Variants in LRRC1 observed in about 807,000 individuals in gnomAD.
LRRC1 encodes the protein leucine rich repeat containing 1.
Under a neutral mutation model 69.9 loss-of-function variants are expected in LRRC1, and 28 were observed. The observed-to-expected ratio is 0.40, with a 90% CI of 0.30 to 0.55. LRRC1 has a LOEUF of 0.55. Ranked by LOEUF, LRRC1 falls within the 20% of genes least tolerant of loss-of-function variation. The pLI is 0.47. For missense variants in LRRC1, 498 were observed against 609.0 expected (o/e 0.82, Z 1.92); for synonymous variants, 236 against 240.2 (o/e 0.98, Z 0.16).
intron 2 of LRRC1, among the ~76,000 whole-genome samples, chr6:53,850,495 T>G (rs142517931): frequency 1.3e-3 from 194 of 152,328 alleles, no homozygotes; most frequent in African/African-American, 4.5e-3. Flanking sequence ...CTGTGAACTA[T>G]TCACTGAAAA....
At chr6:53,817,614 G>T (rs1581850427) in intron 1 of LRRC1, among the ~76,000 whole-genome samples, 1 of 152,244 alleles carries the variant, frequency 6.6e-6, no homozygotes, top group South Asian at 2.1e-4. Flanking sequence ...TAAGAATGGA[G>T]ATTATCGTTT....
At chr6:53,822,510 A>T (rs1465645449) in intron 1 of LRRC1, among the ~76,000 whole-genome samples, 1 of 152,206 alleles carries the variant, frequency 6.6e-6, no homozygotes, top group African/African-American at 2.4e-5. Flanking sequence ...GACTTGGAGC[A>T]GTGAAAGCAT....
At chr6:53,826,123 C>T (rs930353236) in intron 1 of LRRC1, among the ~76,000 whole-genome samples, 2 of 151,448 alleles carry the variant, frequency 1.3e-5, no homozygotes, top group African/African-American at 4.9e-5. Context: ...AGGGCTGCCA[C>T]CTACTCCTGC....
chr6:53,891,078 AAG>A (rs1767664275), intron 4 of LRRC1, among the ~76,000 whole-genome samples: 1 of 152,224 alleles, frequency 6.6e-6, no homozygotes, highest in South Asian at 2.1e-4. Flanking sequence ...TGACTTACAA[AAG>A]AGTGCAACTT....
At chr6:53,811,557 G>C (rs1329961984) in intron 1 of LRRC1, among the ~76,000 whole-genome samples, 1 of 152,186 alleles carries the variant, frequency 6.6e-6, no homozygotes, top group African/African-American at 2.4e-5. Context: ...GGATAGGAAG[G>C]GTTGACTAAA....
chr6:53,876,259 T>C (rs1767065435), intron 2 of LRRC1, among the ~76,000 whole-genome samples: 1 of 152,174 alleles, frequency 6.6e-6, no homozygotes, highest in South Asian at 2.1e-4. Context: ...CTTACTGTCA[T>C]GAGAACAGCT....
chr6:53,814,270 G>T (rs978981146), intron 1 of LRRC1, among the ~76,000 whole-genome samples: 2 of 152,118 alleles, frequency 1.3e-5, no homozygotes, highest in Admixed American at 6.5e-5. Flanking sequence ...AGATGGTAGT[G>T]AAACTTTTTA....
chr6:53,795,045 G>T lies in LRRC1; in HGVS notation c.-212G>T. 1 of 391,236 alleles carries T rather than the reference G, an allele frequency of 2.6e-6. No individual in the cohort carries two copies. Among genetic ancestry groups the T allele is most frequent in the Non-Finnish European group, 4.5e-6 (1 of 220,586 alleles). The allele number at this position is 391,236 out of a possible 1,614,324, so 24.2% of individuals were successfully genotyped here. ...CGGGTGGGAGTGGAGGCACCGGCTG[G>T]CGGGCGGGGGTACAGGGACGGGGCA... On this transcript the variant is annotated 5_prime_UTR_variant, in exon 1 of 14. Transcript: ENST00000370888.
chr6:53,798,162 A>T (rs765837458), intron 1 of LRRC1, among the ~76,000 whole-genome samples: 1 of 152,210 alleles, frequency 6.6e-6, no homozygotes, highest in Non-Finnish European at 1.5e-5. Flanking sequence ...TAAGCTATGG[A>T]CTTGATGGTT....
At chr6:53,807,534 T>G (rs993931053) in intron 1 of LRRC1, among the ~76,000 whole-genome samples, 3 of 152,072 alleles carry the variant, frequency 2.0e-5, no homozygotes, top group Non-Finnish European at 4.4e-5. Context: ...TCACCTGAGG[T>G]TGGGAGTTCA....
At chr6:53,853,282 ATTTTTTTTTTTT>A (rs59868633) in intron 2 of LRRC1, among the ~76,000 whole-genome samples, 1 of 130,268 alleles carries the variant, frequency 7.7e-6, no homozygotes, top group Non-Finnish European at 1.6e-5. Context: ...GGTGGTTCAT[ATTTTTTTTTTTT>A]TTTTTTTTGA....
chr6:53,887,199 C>A (rs1767515359), intron 4 of LRRC1, among the ~76,000 whole-genome samples: 1 of 151,968 alleles, frequency 6.6e-6, no homozygotes, highest in African/African-American at 2.4e-5. Context: ...TAAAAAAAAA[C>A]AGCTTCTGTT....
chr6:53,898,789 A>G (rs958093359), intron 7 of LRRC1, among the ~76,000 whole-genome samples: 1 of 152,242 alleles, frequency 6.6e-6, no homozygotes, highest in Non-Finnish European at 1.5e-5. Flanking sequence ...GGGCAGGATC[A>G]TAAGGCAATA....
In LRRC1 at chr6:53,922,751, C is replaced by T. The variant is rs776526801; in HGVS notation, c.1533C>T (p.Asn511=). 6 of 1,613,970 alleles carry T rather than the reference C, an allele frequency of 3.7e-6. No individual in the cohort carries two copies. The highest frequency in any genetic ancestry group is 1.7e-5 in the Admixed American group (1 of 60,004). The stretch of plus-strand genomic sequence containing the variant: ...CTAAAGGACTGGACTCAAACAAAAA[C>T]GAGGTCAATCATGCCATTGACCGAG... The part of the protein sequence containing the change: ...NAAKGLDSNK[N]EVNHAIDRVT... The change falls in exon 14 of 14, where the codon AAC becomes AAT. Residue 511 remains asparagine (N), a synonymous_variant. Transcript: ENST00000370888.
chr6:53,892,049 T>C (rs200885764), intron 4 of LRRC1, among the ~76,000 whole-genome samples: 2,192 of 90,976 alleles, frequency 0.024, 32 homozygotes, highest in East Asian at 0.097. Context: ...CACACACACA[T>C]ACACATAAAA....
chr6:53,798,814 A>AAGCATG (rs1764379628), intron 1 of LRRC1, among the ~76,000 whole-genome samples: 1 of 152,210 alleles, frequency 6.6e-6, no homozygotes, highest in African/African-American at 2.4e-5. Flanking sequence ...CTTTTCCCTT[A>AAGCATG]AGCATATCAC....
At chr6:53,852,244 C>G (rs2127419837) in intron 2 of LRRC1, among the ~76,000 whole-genome samples, 1 of 152,302 alleles carries the variant, frequency 6.6e-6, no homozygotes, top group African/African-American at 2.4e-5. Flanking sequence ...ACATAAACAA[C>G]TTAGAATAGT....
intron 1 of LRRC1, among the ~76,000 whole-genome samples, chr6:53,817,292 T>C (rs1764978794): frequency 2.0e-5 from 3 of 152,340 alleles, no homozygotes; most frequent in Admixed American, 1.3e-4. Context: ...TCTTCATTTT[T>C]TTCTTATTTA....
rs1006501231 is a variant in LRRC1, at chr6:53,903,449, C to T, written c.906+702C>T. Among the ~76,000 whole-genome samples, 5 of 152,174 alleles carry T rather than the reference C, an allele frequency of 3.3e-5. No homozygotes were observed. In the East Asian group the frequency reaches 9.6e-4, roughly 29 times the overall value. Reference sequence around the variant, plus strand: ...TGTCAGCCCTTCAGTTGTCACTTCTCCTTCCCCCACTTTTAGTTGTCATAT... The same window carrying T: ...TGTCAGCCCTTCAGTTGTCACTTCTTCTTCCCCCACTTTTAGTTGTCATAT... On this transcript the variant is annotated intron_variant, in intron 9 of 13. Coordinates refer to ENST00000370888, the MANE Select transcript of LRRC1 (RefSeq NM_018214.5).
Sources: allele counts gnomAD v4.1 joint callset (sites outside exome capture counted in the v4.1 genomes callset), GRCh38; gene constraint gnomAD v4.1.1; transcripts MANE v1.5; gene names NCBI Gene and HGNC (gene_info 2026-07-23, HGNC 2026-07-21).